The following SETD1B variants were observed in gnomAD, a reference collection of about 807,000 sequenced individuals.
SETD1B encodes SET domain containing 1B, histone lysine methyltransferase.
A neutral mutation model predicts 148.0 loss-of-function variants in SETD1B; 7 were observed. That is an observed-to-expected ratio of 0.05 (90% CI 0.03 to 0.09). The LOEUF (loss-of-function observed/expected upper bound fraction) is 0.09. Among genes scored for constraint, SETD1B ranks in the 10% least tolerant of loss-of-function variants. The pLI, the probability that SETD1B is intolerant of heterozygous loss-of-function variation, is 1.00. For synonymous variants in SETD1B, 1,361 were observed against 1,186.5 expected, an observed-to-expected ratio of 1.15 and a Z score of -3.02; for missense variants, 2,155 against 2,729.9, an observed-to-expected ratio of 0.79 and a Z score of 4.69.
In SETD1B at chr12:121,818,053, G is replaced by A. The variant is rs1022993386; in HGVS notation, c.3418+149G>A. 5.0e-5 allele frequency: 38 copies of A among 765,402 alleles called. No individual in the cohort carries two copies. The South Asian group carries it at 5.2e-4, about 10-fold the overall frequency. The allele number at this position is 765,402 out of a possible 1,614,324, so 47.4% of individuals were successfully genotyped here. On this transcript the variant is annotated intron_variant, in intron 10 of 16. Coordinates refer to ENST00000604567, the MANE Select transcript of SETD1B (RefSeq NM_001353345.2). ...AAAACACACACACAGGGTGGCGTAC[G>A]GTTCCATCTTCAGGGAGTGCCGTGA...
In SETD1B at chr12:121,830,184, A is replaced by T. The variant is rs1310219045; in HGVS notation, c.5846A>T (p.Asp1949Val). The change falls in exon 17 of 17, where the codon GAC becomes GTC. Residue 1949 changes from aspartate to valine, a missense_variant. This residue lies in a region of SETD1B where 17 missense variants were observed against 47.8 expected (regional missense o/e 0.36). Coordinates refer to ENST00000604567, the MANE Select transcript of SETD1B (RefSeq NM_001353345.2). This position sits in a 1 kb window ranked among gnomAD's most constrained non-coding sequence, Gnocchi z 5.7. ...ITYDYKFPIE[D>V]VKIPCLCGSE... ...TATGACTATAAGTTCCCCATCGAGG[A>T]CGTCAAGATCCCCTGCCTCTGTGGC... 6.4e-7 allele frequency: 1 copy of T among 1,551,468 alleles called. No individual in the cohort carries two copies. The highest frequency in any genetic ancestry group is 2.0e-5 in the Admixed American group (1 of 50,994).
upstream of SETD1B, chr12:121,799,731 T>TG (rs1308261766): frequency 3.5e-4 from 11 of 31,722 alleles, no homozygotes; most frequent in African/African-American, 8.2e-4. Flanking sequence ...GGGGGGGGGG[T>TG]GGGGTGGGGC....
chr12:121,826,833 G>A (rs1243575927), intron 13 of SETD1B, among the ~76,000 whole-genome samples: 1 of 151,856 alleles, frequency 6.6e-6, no homozygotes, highest in Admixed American at 6.6e-5. Context: ...GGCGGGGGGT[G>A]ACAGCCCAGG....
chr12:121,805,709 T>G lies in SETD1B; in HGVS notation c.274-126T>G. On this transcript the variant is annotated intron_variant, in intron 3 of 16. Transcript: ENST00000604567. The surrounding 1 kb of genome is among the most constrained non-coding windows in gnomAD (Gnocchi z 4.2). The stretch of plus-strand genomic sequence containing the variant: ...AAAAAATTTTTTTTTTTTTTTTAAT[T>G]TTTAGTTTTTTTACCCTTTATTGTT... 3 of 882,176 alleles carry G rather than the reference T, an allele frequency of 3.4e-6. No homozygotes were observed. Among genetic ancestry groups the G allele is most frequent in the Non-Finnish European group, 4.7e-6 (3 of 641,452 alleles). 54.6% of individuals were successfully genotyped at this position (882,176 alleles called of 1,614,324 possible).
At chr12:121,806,805 G>A (rs1252790050) in intron 4 of SETD1B, among the ~76,000 whole-genome samples, 3 of 152,222 alleles carry the variant, frequency 2.0e-5, no homozygotes, top group Non-Finnish European at 4.4e-5. Flanking sequence ...GGAGCTGGCT[G>A]GGGAGGCCAT....
At chr12:121,829,971 G>T in intron 16 of SETD1B, 95 bp from the exon 17 acceptor site, 2 of 1,201,816 alleles carry the variant, frequency 1.7e-6, no homozygotes, top group South Asian at 1.5e-5. Context: ...GGCATGTCAG[G>T]CCTTAAGCAC....
chr12:121,810,155 G>C lies in SETD1B; in HGVS notation c.1210G>C (p.Val404Leu). 2.6e-6 allele frequency: 4 copies of C among 1,549,966 alleles called. No individual in the cohort carries two copies. Among genetic ancestry groups the C allele is most frequent in the Non-Finnish European group, 3.5e-6 (4 of 1,146,860 alleles). Residue 404 changes from valine to leucine, a missense_variant, in exon 6 of 17, where the codon GTG becomes CTG. By Grantham distance (32) the Val-to-Leu change is conservative. Transcript: ENST00000604567. The surrounding 1 kb of genome is among the most constrained non-coding windows in gnomAD (Gnocchi z 7.6). The part of the protein sequence containing the change: ...KSAFSPYQTP[V>L]AHFPPPPEEP... ...TGCTTTCTCTCCGTATCAGACCCCAGTGGCCCACTTCCCTCCACCCCCGGA... is the reference window on the plus strand; with the variant it reads ...TGCTTTCTCTCCGTATCAGACCCCACTGGCCCACTTCCCTCCACCCCCGGA...
At chr12:121,811,318 C>T (rs1009391567) in intron 6 of SETD1B, among the ~76,000 whole-genome samples, 2 of 151,812 alleles carry the variant, frequency 1.3e-5, no homozygotes, top group African/African-American at 4.8e-5. Context: ...AGCCCCGGAG[C>T]ATTGTCTCCT....
chr12:121,810,899 C>G lies in SETD1B; in HGVS notation c.1890+64C>G. On this transcript the variant is annotated intron_variant, in intron 6 of 16. Transcript: ENST00000604567. This position sits in a 1 kb window ranked among gnomAD's most constrained non-coding sequence, Gnocchi z 7.6. ...GTCTATCTTGTATCTCCCTTTCCCC[C>G]TTCAAGCATTTAGCATGACTAGCTA... 3 of 1,438,038 alleles carry G rather than the reference C, an allele frequency of 2.1e-6. No homozygotes were observed. In the South Asian group the frequency reaches 4.5e-5, roughly 22 times the overall value. 89.1% of individuals were successfully genotyped at this position (1,438,038 alleles called of 1,614,324 possible). A position where few individuals can be genotyped will look rare whatever the true frequency, so the allele number is the denominator to read the frequency against.
rs751213431 is a variant in SETD1B at position 121,806,041 on chromosome 12, C to T, written c.480C>T (p.Ala160=). The T allele has an allele frequency of 3.2e-6, 5 of 1,551,552 alleles. No individual in the cohort carries two copies. In the African/African-American group the frequency reaches 4.1e-5, roughly 13 times the overall value. ...CCACGGTCCGGGGAGCCAAGGATGC[C>T]GTTCAGCACTTGCACAGCACTTCCG... ...VFATVRGAKD[A]VQHLHSTSVM... Residue 160 remains alanine, a synonymous_variant, in exon 4 of 17, where the codon GCC becomes GCT. Coordinates refer to ENST00000604567, the MANE Select transcript of SETD1B (RefSeq NM_001353345.2).
At chr12:121,818,537 T>C (rs1034350923) in intron 10 of SETD1B, among the ~76,000 whole-genome samples, 5 of 151,808 alleles carry the variant, frequency 3.3e-5, no homozygotes, top group African/African-American at 4.8e-5. Context: ...CACTCCAGCC[T>C]GGGTGACAGA....
At chr12:121,807,987 G>T (rs887905564) in intron 4 of SETD1B, among the ~76,000 whole-genome samples, 1 of 152,082 alleles carries the variant, frequency 6.6e-6, no homozygotes, top group African/African-American at 2.4e-5. Context: ...TGAGCTTCTG[G>T]ATCTCAGGAT....
chr12:121,791,510 G>A, the SETD1B span, among the ~76,000 whole-genome samples: 1 of 152,174 alleles, frequency 6.6e-6, no homozygotes, highest in African/African-American at 2.4e-5. Context: ...GACCATGGAT[G>A]GGATCCCCAT....
chr12:121,793,640 G>C, the SETD1B span: 1 of 1,533,276 alleles, frequency 6.5e-7, no homozygotes, highest in South Asian at 1.2e-5. Flanking sequence ...CCATTGCCCG[G>C]AGCCCGCAGC....
At chr12:121,823,799 C>G in intron 12 of SETD1B, 50 bp downstream of exon 12, 1 of 1,495,182 alleles carries the variant, frequency 6.7e-7, no homozygotes. Context: ...GCAGGAAGTC[C>G]CTGCTCACCT....
rs367670977 is a variant in SETD1B at position 121,814,741 on chromosome 12, G to C, written c.2526G>C (p.Pro842=). The C allele has an allele frequency of 6.4e-7, 1 of 1,551,064 alleles. No individual in the cohort carries two copies. The highest frequency in any genetic ancestry group is 1.4e-5 in the African/African-American group (1 of 73,044). ...QHWPPLPKFD[P]SVPPPGYMPR... ...GGCCACCACTGCCCAAGTTTGACCC[G>C]TCAGTGCCTCCACCAGGCTACATGC... The change falls in exon 7 of 17, where the codon CCG becomes CCC. Residue 842 remains proline (P), a synonymous_variant. Coordinates refer to ENST00000604567, the MANE Select transcript of SETD1B (RefSeq NM_001353345.2).
At chr12:121,813,116 T>A (rs1414781654) in intron 6 of SETD1B, among the ~76,000 whole-genome samples, 1 of 152,126 alleles carries the variant, frequency 6.6e-6, no homozygotes, top group Non-Finnish European at 1.5e-5. Context: ...CAGACCTTCT[T>A]CTGACTGGCT....
Position 121,814,098 on chromosome 12 carries a change from C to A in SETD1B, c.1891-8C>A. 1 of 1,545,736 alleles carries A rather than the reference C, an allele frequency of 6.5e-7. No homozygotes were observed. The highest frequency in any genetic ancestry group is 8.7e-7 in the Non-Finnish European group (1 of 1,144,806). The stretch of plus-strand genomic sequence containing the variant: ...TCACCTCACTGTCTCTCCCTGCTCT[C>A]TCTGCAGGGCCAGCAGTCCTCAGGC... On this transcript the variant is annotated splice_region_variant and splice_polypyrimidine_tract_variant and intron_variant, in intron 6 of 16. Coordinates refer to ENST00000604567, the MANE Select transcript of SETD1B (RefSeq NM_001353345.2).
chr12:121,828,940 C>T (rs1876967136), intron 16 of SETD1B, among the ~76,000 whole-genome samples: 1 of 152,160 alleles, frequency 6.6e-6, no homozygotes, highest in Admixed American at 6.5e-5. Context: ...TAGGGACTTT[C>T]CTGTGAATAT....
Sources: gnomAD v4.1 joint callset for allele counts (sites outside exome capture counted in the v4.1 genomes callset) on GRCh38, gnomAD v4.1.1 for gene constraint, gnomAD v4.1.1 regional missense constraint, Gnocchi (gnomAD v3.1) non-coding constraint, MANE v1.5 for transcripts, NCBI Gene and HGNC (gene_info 2026-07-23, HGNC 2026-07-21) for gene names.